NEK6: variants seen among roughly 807,000 people sequenced by gnomAD.
NEK6 encodes NIMA related kinase 6, also known as serine/threonine-protein kinase Nek6.
Under a neutral mutation model 43.5 loss-of-function variants are expected in NEK6, and 27 were observed. The ratio of observed to expected loss-of-function variants is 0.62; its 90% CI spans 0.46 to 0.86. NEK6 has a LOEUF of 0.86. Among genes scored for constraint, NEK6 ranks in the 40% least tolerant of loss-of-function variants. NEK6 has a pLI of 0.00. For synonymous variants in NEK6, 167 were observed against 164.1 expected, an observed-to-expected ratio of 1.02 and a Z score of -0.14; for missense variants, 318 against 414.4, an observed-to-expected ratio of 0.77 and a Z score of 2.02.
rs1830241106 is a variant in NEK6 at position 124,350,916 on chromosome 9, A to T, written c.911A>T (p.Lys304Met). 15 of 1,610,800 alleles carry T rather than the reference A, an allele frequency of 9.3e-6. No homozygotes were observed. The highest frequency in any genetic ancestry group is 2.2e-5 in the East Asian group (1 of 44,888). The change falls in exon 10 of 10, where the codon AAG becomes ATG. Residue 304 changes from lysine to methionine, a missense_variant. Lys to Met is a moderately conservative substitution (Grantham distance 95). Around this residue, in one of 2 missense-constraint regions of NEK6, gnomAD observed 79 missense variants for 70.0 expected, o/e 1.13. Coordinates refer to ENST00000320246, the MANE Select transcript of NEK6 (RefSeq NM_014397.6). ...ATCGGATACGTGCACCAGGTGGCCA[A>T]GCAGATGCACATCTGGATGTCCAGC... ...PDIGYVHQVA[K>M]QMHIWMSST
chr9:124,349,863 T>G (rs1056691026), intron 9 of NEK6, among the ~76,000 whole-genome samples: 2 of 152,094 alleles, frequency 1.3e-5, no homozygotes, highest in Non-Finnish European at 2.9e-5. Context: ...GGCTTCTCGG[T>G]TGTAAGGCAT....
At chr9:124,292,829 A>G in intron 1 of NEK6, 1 of 1,437,672 alleles carries the variant, frequency 7.0e-7, no homozygotes, top group Non-Finnish European at 9.2e-7. Context: ...TCTACCCTCA[A>G]GGACATTTCC....
At chr9:124,261,446 G>A (rs1483445893) in intron 1 of NEK6, 24 of 985,432 alleles carry the variant, frequency 2.4e-5, no homozygotes, top group Non-Finnish European at 2.8e-5. Flanking sequence ...GATTAAATAC[G>A]GGCAGGCACT....
chr9:124,291,957 G>T, intron 1 of NEK6: 1 of 986,362 alleles, frequency 1.0e-6, no homozygotes, highest in Non-Finnish European at 1.2e-6. Flanking sequence ...CGGAGACAGA[G>T]GCCCTTCTTC....
chr9:124,344,989 T>C (rs1829844782), intron 8 of NEK6, among the ~76,000 whole-genome samples: 1 of 152,166 alleles, frequency 6.6e-6, no homozygotes, highest in Non-Finnish European at 1.5e-5. Flanking sequence ...ACAAGATGGG[T>C]GTCTGAGGCC....
At chr9:124,334,069 G>A (rs985383051) in intron 7 of NEK6, among the ~76,000 whole-genome samples, 3 of 152,178 alleles carry the variant, frequency 2.0e-5, no homozygotes, top group Admixed American at 2.0e-4. Context: ...GAGCCACCAC[G>A]CCCGGCCCAA....
chr9:124,330,489 G>A (rs995180995), intron 7 of NEK6, among the ~76,000 whole-genome samples: 7 of 152,166 alleles, frequency 4.6e-5, no homozygotes, highest in African/African-American at 7.2e-5. Flanking sequence ...AGGCAGCCAC[G>A]GGTGACAGGG....
At chr9:124,318,728 G>A (rs939597297) in intron 4 of NEK6, among the ~76,000 whole-genome samples, 1 of 152,136 alleles carries the variant, frequency 6.6e-6, no homozygotes, top group Non-Finnish European at 1.5e-5. Flanking sequence ...CTGGAGTGCA[G>A]TGGCATGATC....
At chr9:124,327,653 C>G (rs1007435617) in intron 7 of NEK6, among the ~76,000 whole-genome samples, 1 of 152,234 alleles carries the variant, frequency 6.6e-6, no homozygotes, top group Non-Finnish European at 1.5e-5. Context: ...TCCCACACCC[C>G]CTGATCACCT....
At chr9:124,278,248 A>G (rs1831729225) in intron 1 of NEK6, among the ~76,000 whole-genome samples, 1 of 152,198 alleles carries the variant, frequency 6.6e-6, no homozygotes, top group South Asian at 2.1e-4. Flanking sequence ...TGTGTAAGTC[A>G]ACTCCAAGAC....
chr9:124,259,692 G>A (rs551109881), intron 1 of NEK6, among the ~76,000 whole-genome samples: 1 of 152,274 alleles, frequency 6.6e-6, no homozygotes, highest in African/African-American at 2.4e-5. Flanking sequence ...CAGAGAGCCT[G>A]ACGGGCAAAC....
rs1830342623 is a variant in NEK6 at position 124,353,187 on chromosome 9, T to TA, written c.*2241dup. ...GCTGAGGTGGAGGGTGTGCTGCACT[T>TA]ATCACCCCATTTCAAAACCAAACCA... On this transcript the variant is annotated 3_prime_UTR_variant, in exon 10 of 10. Coordinates refer to ENST00000320246, the MANE Select transcript of NEK6 (RefSeq NM_014397.6). 9.9e-6 allele frequency: 2 copies of TA among 201,294 alleles called. No homozygotes were observed. Among genetic ancestry groups the TA allele is most frequent in the South Asian group, 9.9e-5 (1 of 10,072 alleles). 12.5% of individuals were successfully genotyped at this position (201,294 alleles called of 1,614,324 possible).
chr9:124,335,889 C>T (rs1350467867), intron 7 of NEK6, among the ~76,000 whole-genome samples: 1 of 152,172 alleles, frequency 6.6e-6, no homozygotes, highest in Non-Finnish European at 1.5e-5. Flanking sequence ...GTGGGAGGAT[C>T]GCTTGAGGCC....
intron 1 of NEK6, chr9:124,259,614 C>G (rs1830946601): frequency 1.3e-5 from 2 of 152,136 alleles, no homozygotes; most frequent in Admixed American, 6.5e-5. Context: ...AAGGCCAAGC[C>G]CTCGCTGCGT....
chr9:124,300,820 A>G (rs892863845), intron 1 of NEK6, among the ~76,000 whole-genome samples: 9 of 152,122 alleles, frequency 5.9e-5, no homozygotes, highest in Admixed American at 1.3e-4. Context: ...ATTCCTCAGG[A>G]CTTCTGGCTC....
chr9:124,343,918 CA>C lies in NEK6; in HGVS notation c.718-3790del, dbSNP rs1295169938. 6.6e-6 allele frequency among the ~76,000 whole-genome samples: 1 copy of C among 152,346 alleles called. No homozygotes were observed. The highest frequency in any genetic ancestry group is 1.5e-5 in the Non-Finnish European group (1 of 68,038). On this transcript the variant is annotated intron_variant, in intron 8 of 9. Transcript: ENST00000320246. This position sits in a 1 kb window ranked among gnomAD's most constrained non-coding sequence, Gnocchi z 5.1. The stretch of plus-strand genomic sequence containing the variant: ...CCACCACGCCGATGGCTTCAAGCAA[CA>C]TAAGTTTACTCTCTTAGATCTCGAG...
At chr9:124,269,589 C>T (rs1831349251) in intron 1 of NEK6, among the ~76,000 whole-genome samples, 1 of 152,004 alleles carries the variant, frequency 6.6e-6, no homozygotes, top group African/African-American at 2.4e-5. Context: ...GTTGGCCAGG[C>T]TGGTCTCGAG....
At chr9:124,303,503 G>C (rs1253953731) in intron 2 of NEK6, among the ~76,000 whole-genome samples, 1 of 152,240 alleles carries the variant, frequency 6.6e-6, no homozygotes, top group African/African-American at 2.4e-5. Flanking sequence ...CTGGTGGACA[G>C]CTGCATCAGC....
chr9:124,317,880 T>C (rs1203881138), intron 4 of NEK6, among the ~76,000 whole-genome samples: 1 of 152,258 alleles, frequency 6.6e-6, no homozygotes, highest in Middle Eastern at 3.2e-3. Context: ...CTGCATAATA[T>C]TCTATTGTAT....
Sources: gnomAD v4.1 joint callset for allele counts (sites outside exome capture counted in the v4.1 genomes callset) on GRCh38, gnomAD v4.1.1 for gene constraint, gnomAD v4.1.1 regional missense constraint, Gnocchi (gnomAD v3.1) non-coding constraint, MANE v1.5 for transcripts, NCBI Gene and HGNC (gene_info 2026-07-23, HGNC 2026-07-21) for gene names.